ANKRD36: variants seen among roughly 807,000 people sequenced by gnomAD.
The protein encoded by ANKRD36 is ankyrin repeat domain-containing protein 36A.
Under a neutral mutation model 278.1 loss-of-function variants are expected in ANKRD36, and 179 were observed. The observed-to-expected ratio is 0.64, with a 90% CI of 0.57 to 0.73. ANKRD36 has a LOEUF of 0.73. Ranked by LOEUF, ANKRD36 falls within the 30% of genes least tolerant of loss-of-function variation. The pLI is 0.00. For synonymous variants in ANKRD36, 320 were observed against 641.1 expected, an observed-to-expected ratio of 0.50 and a Z score of 7.57; for missense variants, 1,159 against 1,956.7, an observed-to-expected ratio of 0.59 and a Z score of 7.69.
chr2:97,133,761 C>A (rs1220559580), intron 6 of ANKRD36, among the ~76,000 whole-genome samples: 1 of 151,906 alleles, frequency 6.6e-6, no homozygotes, highest in Non-Finnish European at 1.5e-5. Context: ...AAATTAATAA[C>A]TTTATTTTAA....
chr2:97,137,654 C>T (rs542229205), intron 6 of ANKRD36, among the ~76,000 whole-genome samples: 33 of 152,020 alleles, frequency 2.2e-4, no homozygotes, highest in African/African-American at 6.5e-4. Context: ...ATGGTATTTC[C>T]GGTTCTAGAT....
At chr2:97,186,265 A>C (rs2057399941) in intron 30 of ANKRD36, among the ~76,000 whole-genome samples, 2 of 151,326 alleles carry the variant, frequency 1.3e-5, no homozygotes, top group Admixed American at 1.3e-4. Context: ...TCTTTCATCA[A>C]AGAGCTATCT....
Position 97,119,011 on chromosome 2 carries a change from A to G in ANKRD36, c.486+494A>G, listed in dbSNP as rs926515624. ...TCCTCTGTGGAAAGGCTTAAGAGGG[A>G]AAAATGAAGAAAAGGAGAGCAATCA... is the stretch of plus-strand genomic sequence containing the variant. On this transcript the variant is annotated intron_variant, in intron 3 of 75. Transcript: ENST00000420699. Among the ~76,000 whole-genome samples the G allele has an allele frequency of 1.3e-4, 9 of 67,614 alleles. 1 individual carries two copies. The highest frequency in any genetic ancestry group is 3.1e-4 in the African/African-American group (9 of 29,050). 44.4% of individuals were successfully genotyped at this position (67,614 alleles called of 152,430 possible).
intron 28 of ANKRD36, 84 bp downstream of exon 28, chr2:97,183,738 A>G: frequency 6.9e-7 from 1 of 1,445,928 alleles, no homozygotes; most frequent in Non-Finnish European, 9.3e-7. Context: ...GTGGGGTGTC[A>G]TTGAAAATGC....
chr2:97,209,928 C>T, intron 56 of ANKRD36, 56 bp downstream of exon 56: 1 of 1,533,928 alleles, frequency 6.5e-7, no homozygotes, highest in Non-Finnish European at 8.8e-7. Context: ...AAGAAATTCT[C>T]TTCCCTGAAT....
chr2:97,193,801 C>G (rs940785813), intron 38 of ANKRD36, among the ~76,000 whole-genome samples: 3 of 151,544 alleles, frequency 2.0e-5, no homozygotes, highest in African/African-American at 7.3e-5. Context: ...CTTCCTTGTT[C>G]AAGGAGCTAC....
At chr2:97,172,897 A>G (rs1173546783) in intron 22 of ANKRD36, among the ~76,000 whole-genome samples, 1 of 151,986 alleles carries the variant, frequency 6.6e-6, no homozygotes, top group Admixed American at 6.6e-5. Flanking sequence ...AACTGTAAAT[A>G]GAGGAATTTT....
intron 20 of ANKRD36, among the ~76,000 whole-genome samples, chr2:97,164,728 A>G: frequency 6.6e-6 from 1 of 152,428 alleles, no homozygotes; most frequent in South Asian, 2.1e-4. Flanking sequence ...ATTCCTGTGC[A>G]TGTTAGGGAT....
At chr2:97,187,011 G>A (rs73961167) in intron 30 of ANKRD36, among the ~76,000 whole-genome samples, 187 bp from the exon 31 acceptor site, 3,453 of 151,892 alleles carry the variant, frequency 0.023, 119 homozygotes, top group African/African-American at 0.078. Flanking sequence ...AATATATCGT[G>A]GCACATCTAT....
At chr2:97,222,141 T>TCTGTTTTGGTACCAGTACCAGG in intron 66 of ANKRD36, among the ~76,000 whole-genome samples, 1 of 152,052 alleles carries the variant, frequency 6.6e-6, no homozygotes, top group Non-Finnish European at 1.5e-5. Flanking sequence ...GATCTATATT[T>TCTGTTTTGGTACCAGTACCAGG]CTGTTTTGGT....
intron 32 of ANKRD36, among the ~76,000 whole-genome samples, chr2:97,187,754 C>A (rs1274090828): frequency 6.6e-6 from 1 of 151,808 alleles, no homozygotes; most frequent in Non-Finnish European, 1.5e-5. Context: ...ATAGATTCTA[C>A]AGACGTCACA....
intron 6 of ANKRD36, among the ~76,000 whole-genome samples, chr2:97,135,087 A>T (rs2041153923): frequency 6.6e-6 from 1 of 152,046 alleles, no homozygotes; most frequent in Admixed American, 6.6e-5. Context: ...CTTTGCAGGG[A>T]TCCTTGACCC....
At chr2:97,144,577 T>G in intron 9 of ANKRD36, 31 bp downstream of exon 9, 2 of 1,573,466 alleles carry the variant, frequency 1.3e-6, no homozygotes, top group Non-Finnish European at 1.7e-6. Flanking sequence ...TTTTGAATAA[T>G]TAACTGTATA....
intron 31 of ANKRD36, 23 bp downstream of exon 31, chr2:97,187,249 T>C: frequency 6.2e-7 from 1 of 1,609,392 alleles, no homozygotes; most frequent in Non-Finnish European, 8.5e-7. Flanking sequence ...TCATTTATAT[T>C]GTGAACTAGT....
rs1256856694 is a variant in ANKRD36, at chr2:97,155,929, G to A, written c.1260+1188G>A. 2.1e-5 allele frequency among the ~76,000 whole-genome samples: 3 copies of A among 145,946 alleles called. 1 individual carries two copies. Among genetic ancestry groups the A allele is most frequent in the Non-Finnish European group, 4.6e-5 (3 of 64,718 alleles). On this transcript the variant is annotated intron_variant, in intron 15 of 75. Transcript: ENST00000420699. ...TGGACTGTTACAGGTAACATAATAT[G>A]CCTAAGATATCTAATAATTAAATCT...
At chr2:97,170,854 G>T (rs2052260608) in intron 22 of ANKRD36, among the ~76,000 whole-genome samples, 2 of 149,080 alleles carry the variant, frequency 1.3e-5, no homozygotes, top group East Asian at 4.0e-4. Flanking sequence ...AAATTTACAA[G>T]AAAAAAACAA....
chr2:97,175,176 G>T (rs2053861344), intron 22 of ANKRD36, among the ~76,000 whole-genome samples: 1 of 149,646 alleles, frequency 6.7e-6, no homozygotes, highest in African/African-American at 2.4e-5. Context: ...TTTTTCTATT[G>T]ATTGGAATAG....
intron 6 of ANKRD36, among the ~76,000 whole-genome samples, chr2:97,130,315 A>G (rs2039766452): frequency 6.6e-6 from 1 of 151,942 alleles, no homozygotes; most frequent in Non-Finnish European, 1.5e-5. Context: ...ATGAAGCTGG[A>G]AAACATCACT....
rs1397411127 is a variant in ANKRD36 at position 97,189,129 on chromosome 2, C to G, written c.2172+14C>G. The G allele has an allele frequency of 1.3e-6, 1 of 758,034 alleles. No individual in the cohort carries two copies. Among genetic ancestry groups the G allele is most frequent in the South Asian group, 1.3e-5 (1 of 78,932 alleles). 47.0% of individuals were successfully genotyped at this position (758,034 alleles called of 1,614,324 possible). ...CCAGCCTTGAAGGTAATTAAACTCT[C>G]GTTTACATTGTGAACTAGTAATTCT... On this transcript the variant is annotated intron_variant, in intron 33 of 75. Transcript: ENST00000420699.
Sources: gnomAD v4.1 joint callset for allele counts (sites outside exome capture counted in the v4.1 genomes callset) on GRCh38, gnomAD v4.1.1 for gene constraint, MANE v1.5 for transcripts, NCBI Gene and HGNC (gene_info 2026-07-23, HGNC 2026-07-21) for gene names.